The following SOX6 variants were observed in gnomAD, a reference collection of about 807,000 sequenced individuals.
The protein encoded by SOX6 is transcription factor SOX-6.
In SOX6, 11 loss-of-function variants were observed where a neutral mutation model predicts 97.8. The ratio of observed to expected loss-of-function variants is 0.11; its 90% CI spans 0.07 to 0.19. The LOEUF (loss-of-function observed/expected upper bound fraction) is 0.19. Among genes scored for constraint, SOX6 ranks in the 10% least tolerant of loss-of-function variants. SOX6 has a pLI of 1.00. For missense variants in SOX6, 810 were observed against 1,039.5 expected, an observed-to-expected ratio of 0.78 and a Z score of 3.04; for synonymous variants, 360 against 371.4, an observed-to-expected ratio of 0.97 and a Z score of 0.35.
At chr11:16,558,361 C>T (rs1847772055) in intron 4 of SOX6, among the ~76,000 whole-genome samples, 1 of 151,974 alleles carries the variant, frequency 6.6e-6, no homozygotes, top group Admixed American at 6.6e-5. Context: ...TCCAGAAAGA[C>T]ATTCTGCCTC....
At chr11:16,729,504 A>C (rs1310515407) in intron 2 of SOX6, among the ~76,000 whole-genome samples, 2 of 152,234 alleles carry the variant, frequency 1.3e-5, no homozygotes, top group African/African-American at 4.8e-5. Context: ...AGGAGAAATA[A>C]AATCCTTTAC....
chr11:16,441,010 TG>T (rs1328125147), intron 1 of SOX6, among the ~76,000 whole-genome samples: 1 of 152,112 alleles, frequency 6.6e-6, no homozygotes, highest in East Asian at 1.9e-4. Context: ...CTAAAAGCAC[TG>T]GATTTTTAAC....
chr11:16,507,026 T>G (rs1283489812), intron 4 of SOX6, among the ~76,000 whole-genome samples: 1 of 152,076 alleles, frequency 6.6e-6, no homozygotes, highest in Non-Finnish European at 1.5e-5. Flanking sequence ...ATCATACCAT[T>G]GCACTCCAGC....
chr11:16,442,003 T>A (rs1187162316), intron 1 of SOX6, among the ~76,000 whole-genome samples: 2 of 152,194 alleles, frequency 1.3e-5, no homozygotes, highest in Non-Finnish European at 2.9e-5. Context: ...ATAACACAGA[T>A]CTCACACTCC....
chr11:15,986,564 T>C (rs1013668945), intron 14 of SOX6, 144 bp from the exon 15 acceptor site: 7 of 740,692 alleles, frequency 9.5e-6, no homozygotes, highest in Middle Eastern at 3.2e-4. Context: ...GTCCCAACTA[T>C]ACTTTTAGTC....
chr11:16,318,771 T>A, intron 2 of SOX6, 118 bp from the exon 3 acceptor site: 1 of 686,394 alleles, frequency 1.5e-6, no homozygotes, highest in Non-Finnish European at 2.4e-6. Flanking sequence ...TAAAATATAT[T>A]AATTAAAATA....
At chr11:16,108,859 A>C (rs1189689824) in intron 7 of SOX6, among the ~76,000 whole-genome samples, 1 of 152,080 alleles carries the variant, frequency 6.6e-6, no homozygotes, top group Admixed American at 6.5e-5. Context: ...TATAACCCTA[A>C]ATGTATTTGC....
chr11:16,536,247 T>C (rs952924323), intron 4 of SOX6, among the ~76,000 whole-genome samples: 1 of 152,234 alleles, frequency 6.6e-6, no homozygotes, highest in Non-Finnish European at 1.5e-5. Flanking sequence ...CATTTGAATG[T>C]ACCATTTCCA....
At chr11:16,554,845 T>C (rs1372941648) in intron 4 of SOX6, among the ~76,000 whole-genome samples, 1 of 151,994 alleles carries the variant, frequency 6.6e-6, no homozygotes, top group East Asian at 1.9e-4. Context: ...AAAAAAAACC[T>C]TTGTACCTGC....
At chr11:16,480,624 C>T (rs559583910), upstream of SOX6, among the ~76,000 whole-genome samples, 1 of 140,660 alleles carries the variant, frequency 7.1e-6, no homozygotes, top group African/African-American at 2.6e-5. Flanking sequence ...CTTTAAGCCA[C>T]ACCCATTTCT....
At chr11:16,729,911 G>C (rs1010647243) in intron 2 of SOX6, among the ~76,000 whole-genome samples, 2 of 151,538 alleles carry the variant, frequency 1.3e-5, no homozygotes, top group Admixed American at 6.6e-5. Flanking sequence ...AAAAAGCAGG[G>C]GTTGCAATCC....
At chr11:16,532,390 A>T (rs1445250786) in intron 4 of SOX6, among the ~76,000 whole-genome samples, 1 of 151,918 alleles carries the variant, frequency 6.6e-6, no homozygotes, top group African/African-American at 2.4e-5. Flanking sequence ...TCTCTTCTAC[A>T]CTGGGCTCTA....
intron 4 of SOX6, among the ~76,000 whole-genome samples, chr11:16,206,545 C>A (rs1852077022): frequency 6.6e-6 from 1 of 152,120 alleles, no homozygotes; most frequent in Admixed American, 6.5e-5. Flanking sequence ...AGAACAGTAA[C>A]TTTGGTCTCG....
intron 6 of SOX6, among the ~76,000 whole-genome samples, chr11:16,142,166 C>T (rs11023854): frequency 2.0e-5 from 3 of 152,228 alleles, no homozygotes; most frequent in East Asian, 1.9e-4. Flanking sequence ...TCCAGAGGAA[C>T]GATCAGGCAG....
chr11:16,373,853 A>G (rs867891210), intron 1 of SOX6, among the ~76,000 whole-genome samples: 24 of 40,686 alleles, frequency 5.9e-4, no homozygotes, highest in Middle Eastern at 0.01. Flanking sequence ...GGAAGGAAGG[A>G]AGGAAGGAAG....
chr11:16,302,548 AT>A (rs367963089), intron 3 of SOX6, among the ~76,000 whole-genome samples: 19,748 of 120,132 alleles, frequency 0.16, 1,623 homozygotes, highest in Middle Eastern at 0.23. Flanking sequence ...CTTCTACAGC[AT>A]TTTTTTTTCT....
intron 12 of SOX6, among the ~76,000 whole-genome samples, chr11:16,045,765 G>A (rs1855809759): frequency 6.6e-6 from 1 of 152,112 alleles, no homozygotes; most frequent in Non-Finnish European, 1.5e-5. Flanking sequence ...TCATTCAGAT[G>A]TCAATGTCAC....
intron 9 of SOX6, among the ~76,000 whole-genome samples, chr11:16,093,415 A>C (rs1053114009): frequency 6.6e-6 from 1 of 151,694 alleles, no homozygotes; most frequent in African/African-American, 2.4e-5. Context: ...ATATGCTAAT[A>C]TAAGGAGAGT....
intron 1 of SOX6, among the ~76,000 whole-genome samples, chr11:16,448,391 T>C: frequency 6.6e-6 from 1 of 152,198 alleles, no homozygotes; most frequent in Non-Finnish European, 1.5e-5. Flanking sequence ...TTTAGAGCCT[T>C]TTCAATATCA....
Sources: allele counts gnomAD v4.1 joint callset (sites outside exome capture counted in the v4.1 genomes callset), GRCh38; gene constraint gnomAD v4.1.1; transcripts MANE v1.5; gene names NCBI Gene and HGNC (gene_info 2026-07-23, HGNC 2026-07-21).